Variants in WDHD1 observed in about 807,000 individuals in gnomAD.
WDHD1 encodes WD repeat and HMG-box DNA binding protein 1.
Under a neutral mutation model 135.4 loss-of-function variants are expected in WDHD1, and 111 were observed. That is an observed-to-expected ratio of 0.82 (90% CI 0.70 to 0.96). The LOEUF (loss-of-function observed/expected upper bound fraction) is 0.96. Among genes scored for constraint, WDHD1 ranks in the 40% least tolerant of loss-of-function variants. WDHD1 has a pLI of 0.00. For missense variants in WDHD1, 1,351 were observed against 1,336.3 expected (o/e 1.01, Z -0.17); for synonymous variants, 434 against 439.0 (o/e 0.99, Z 0.14).
chr14:55,000,382 C>T, intron 10 of WDHD1, 121 bp downstream of exon 10: 1 of 1,006,124 alleles, frequency 9.9e-7, no homozygotes, highest in Non-Finnish European at 1.3e-6. Flanking sequence ...TACTACTCAG[C>T]ATCTACTATA....
chr14:54,986,329 T>C (rs1039553832), intron 14 of WDHD1, among the ~76,000 whole-genome samples: 4 of 152,230 alleles, frequency 2.6e-5, no homozygotes, highest in African/African-American at 9.6e-5. Flanking sequence ...ATTTCTTTTC[T>C]TCTGTTTTTC....
chr14:54,993,519 T>G (rs972749042), intron 11 of WDHD1, among the ~76,000 whole-genome samples: 5 of 152,358 alleles, frequency 3.3e-5, no homozygotes, highest in African/African-American at 1.2e-4. Context: ...CTTCTGAGTC[T>G]TGGTGCAACA....
Position 54,942,971 on chromosome 14 carries a change from T to C in WDHD1, c.3190-1281A>G, listed in dbSNP as rs1043507691. Among the ~76,000 whole-genome samples, 5 of 152,230 alleles carry C rather than the reference T, an allele frequency of 3.3e-5. 1 individual carries two copies. The highest frequency in any genetic ancestry group is 2.0e-4 in the Admixed American group (3 of 15,280). On this transcript the variant is annotated intron_variant, in intron 25 of 25. Transcript: ENST00000360586. ...GAACAACAAATGAGAAACATAAAAT[T>C]GTAAATGAGGTTCTAAATGACGCTA... is the stretch of plus-strand genomic sequence containing the variant.
At chr14:54,971,161 C>T (rs779559197) in intron 16 of WDHD1, among the ~76,000 whole-genome samples, 4 of 152,198 alleles carry the variant, frequency 2.6e-5, no homozygotes, top group Non-Finnish European at 5.9e-5. Context: ...AAATACCCTT[C>T]AGGATATTGG....
chr14:55,020,251 C>A (rs1251461215), intron 2 of WDHD1, among the ~76,000 whole-genome samples: 5 of 152,200 alleles, frequency 3.3e-5, no homozygotes, highest in Non-Finnish European at 5.9e-5. Context: ...CCTCCCCTTC[C>A]ATTATCTTGA....
chr14:54,991,156 A>T, intron 12 of WDHD1, 57 bp downstream of exon 12: 1 of 932,816 alleles, frequency 1.1e-6, no homozygotes, highest in Non-Finnish European at 1.7e-6. Context: ...AATTAACTAT[A>T]GTAAGAAAAA....
chr14:54,961,868 AC>A (rs1473303598), intron 21 of WDHD1, among the ~76,000 whole-genome samples: 3 of 145,574 alleles, frequency 2.1e-5, no homozygotes, highest in African/African-American at 7.7e-5. Flanking sequence ...ATGGAGTCTC[AC>A]TCCATTGCCC....
Position 55,010,354 on chromosome 14 carries a change from T to C in WDHD1, c.296A>G (p.His99Arg). The change falls in exon 4 of 26, where the codon CAT becomes CGT. Residue 99 changes from histidine (H) to arginine (R), a missense_variant. Transcript: ENST00000360586. ...ILTRFTTNAN[H>R]VVFNGDGTKI... ...AGTACCATCCCCATTAAAGACCACATGGTTTGCATTTGTAGTGAAGCGAGT... is the reference window on the plus strand; with the variant it reads ...AGTACCATCCCCATTAAAGACCACACGGTTTGCATTTGTAGTGAAGCGAGT... 1 of 1,612,456 alleles carries C rather than the reference T, an allele frequency of 6.2e-7. No homozygotes were observed. Among genetic ancestry groups the C allele is most frequent in the Non-Finnish European group, 8.5e-7 (1 of 1,179,444 alleles).
intron 16 of WDHD1, 96 bp from the exon 17 acceptor site, chr14:54,967,490 G>T: frequency 1.3e-6 from 1 of 755,120 alleles, no homozygotes; most frequent in Non-Finnish European, 2.1e-6. Context: ...ACTTAGAATA[G>T]TAATATTATA....
At position 54,944,315 on chromosome 14, in the gene WDHD1, G is replaced by T. The variant is rs767274013; in HGVS notation, c.3189+17C>A. The T allele has an allele frequency of 6.3e-7, 1 of 1,595,246 alleles. No homozygotes were observed. The highest frequency in any genetic ancestry group is 8.5e-7 in the Non-Finnish European group (1 of 1,175,450). Reference sequence around the variant, plus strand: ...GGGAATTCACTAAGATCTCAATCTCGGCACAATTATCCTTACCTTTCTTTC... The same window carrying T: ...GGGAATTCACTAAGATCTCAATCTCTGCACAATTATCCTTACCTTTCTTTC... On this transcript the variant is annotated intron_variant, in intron 25 of 25. Coordinates refer to ENST00000360586, the MANE Select transcript of WDHD1 (RefSeq NM_007086.4).
In WDHD1 at chr14:54,987,077, C is replaced by T. The variant is rs990815310; in HGVS notation, c.1768+69G>A. ...ATATAATCCAAGACAAAAAGAGTAA[C>T]AAAAACAGCAAAAAAGCTCAAGTAA... On this transcript the variant is annotated intron_variant, in intron 14 of 25. Coordinates refer to ENST00000360586, the MANE Select transcript of WDHD1 (RefSeq NM_007086.4). 58 of 1,574,684 alleles carry T rather than the reference C, an allele frequency of 3.7e-5. 1 individual carries two copies. In the Middle Eastern group the frequency reaches 1.0e-3, roughly 28 times the overall value.
At chr14:54,951,182 G>C (rs534682399) in intron 24 of WDHD1, among the ~76,000 whole-genome samples, 4,236 of 151,662 alleles carry the variant, frequency 0.028, 160 homozygotes, top group African/African-American at 0.088. Context: ...ACACAAAAAA[G>C]CCTTCAAAAA....
chr14:54,966,394 C>T (rs2041345347), intron 18 of WDHD1, 81 bp downstream of exon 18: 2 of 1,473,104 alleles, frequency 1.4e-6, no homozygotes, highest in Admixed American at 2.4e-5. Context: ...GGGACTTAGT[C>T]CTAATGCACA....
chr14:54,944,483 T>A lies in WDHD1; in HGVS notation c.3051-13A>T. ...CCCGGTCTTTGGCCTAAAATCACAA[T>A]TATGTGAAAACATTTTATACTTAAG... On this transcript the variant is annotated splice_polypyrimidine_tract_variant and intron_variant, in intron 24 of 25. Transcript: ENST00000360586. 1 of 1,572,370 alleles carries A rather than the reference T, an allele frequency of 6.4e-7. No homozygotes were observed. Among genetic ancestry groups the A allele is most frequent in the Non-Finnish European group, 8.6e-7 (1 of 1,167,710 alleles).
intron 16 of WDHD1, among the ~76,000 whole-genome samples, chr14:54,978,640 T>A (rs2041566182): frequency 6.6e-6 from 1 of 151,852 alleles, no homozygotes; most frequent in South Asian, 2.1e-4. Flanking sequence ...TATGTCAATA[T>A]TTAGAATGTA....
At chr14:55,007,231 T>TTAAAAAAA in intron 7 of WDHD1, 49 bp downstream of exon 7, 1 of 1,053,084 alleles carries the variant, frequency 9.5e-7, no homozygotes, top group African/African-American at 2.4e-5. Context: ...CCATCTCTAA[T>TTAAAAAAA]AAAAAAAAAA....
At chr14:55,008,895 C>G (rs2042118738) in intron 4 of WDHD1, among the ~76,000 whole-genome samples, 176 bp from the exon 5 acceptor site, 1 of 151,810 alleles carries the variant, frequency 6.6e-6, no homozygotes, top group South Asian at 2.1e-4. Flanking sequence ...CTCCCAGGTT[C>G]AAGCGATTCT....
At position 54,957,221 on chromosome 14, in the gene WDHD1, T is replaced by C; in HGVS notation, c.2746-17A>G. On this transcript the variant is annotated splice_polypyrimidine_tract_variant and intron_variant, in intron 22 of 25. Coordinates refer to ENST00000360586, the MANE Select transcript of WDHD1 (RefSeq NM_007086.4). Reference sequence around the variant, plus strand: ...GGCTGATACCTAAAGAGCAAACTAGTGTTAGCACTGTATGTTTAAAGAAGA... The same window carrying C: ...GGCTGATACCTAAAGAGCAAACTAGCGTTAGCACTGTATGTTTAAAGAAGA... 2.5e-6 allele frequency: 4 copies of C among 1,596,274 alleles called. No homozygotes were observed. The highest frequency in any genetic ancestry group is 3.4e-6 in the Non-Finnish European group (4 of 1,171,324).
intron 22 of WDHD1, 28 bp from the exon 23 acceptor site, chr14:54,957,232 T>A (rs376786739): frequency 6.4e-7 from 1 of 1,571,584 alleles, no homozygotes; most frequent in Non-Finnish European, 8.6e-7. Flanking sequence ...GTTAGCACTG[T>A]ATGTTTAAAG....
Sources: allele counts gnomAD v4.1 joint callset (sites outside exome capture counted in the v4.1 genomes callset), GRCh38; gene constraint gnomAD v4.1.1; transcripts MANE v1.5; gene names NCBI Gene and HGNC (gene_info 2026-07-23, HGNC 2026-07-21).